Variants in GPR141 observed in about 807,000 individuals in gnomAD.
The protein encoded by GPR141 is G protein-coupled receptor 141, also known as probable G protein-coupled receptor 141.
A neutral mutation model predicts 6.8 loss-of-function variants in GPR141; 6 were observed. The observed-to-expected ratio is 0.88, with a 90% CI of 0.48 to 1.74. The LOEUF (loss-of-function observed/expected upper bound fraction) is 1.74. Among genes scored for constraint, GPR141 ranks in the 40% most tolerant of loss-of-function variants. The probability of loss-of-function intolerance (pLI) is 0.01; values close to 1 mark genes in which losing one functional copy is unlikely to be tolerated. For synonymous variants in GPR141, 140 were observed against 142.3 expected, an observed-to-expected ratio of 0.98 and a Z score of 0.11; for missense variants, 372 against 372.9, an observed-to-expected ratio of 1.00 and a Z score of 0.02.
At chr7:37,731,464 T>A (rs1235755520) in intron 2 of GPR141, among the ~76,000 whole-genome samples, 1 of 152,198 alleles carries the variant, frequency 6.6e-6, no homozygotes, top group African/African-American at 2.4e-5. Context: ...GCATCCCATA[T>A]GCAAAGGAAT....
At chr7:37,688,327 G>T (rs1027197344) in intron 2 of GPR141, among the ~76,000 whole-genome samples, 22 of 152,060 alleles carry the variant, frequency 1.4e-4, no homozygotes, top group African/African-American at 5.3e-4. Flanking sequence ...AGCTACTCAG[G>T]GGGCTGAGGC....
intron 2 of GPR141, among the ~76,000 whole-genome samples, chr7:37,738,647 A>G (rs1812376922): frequency 6.6e-6 from 1 of 151,774 alleles, no homozygotes; most frequent in Admixed American, 6.6e-5. Context: ...TTGGGTTATT[A>G]TTATCTTTTT....
intron 2 of GPR141, among the ~76,000 whole-genome samples, chr7:37,700,549 G>T (rs1031113266): frequency 2.0e-5 from 3 of 152,136 alleles, no homozygotes; most frequent in Non-Finnish European, 4.4e-5. Context: ...CTGATCTCAG[G>T]CAAAAGGAAT....
intron 2 of GPR141, among the ~76,000 whole-genome samples, chr7:37,705,461 G>A (rs1006641877): frequency 2.0e-5 from 3 of 152,180 alleles, no homozygotes; most frequent in South Asian, 2.1e-4. Context: ...CGATATATCA[G>A]TTGGATTCTG....
intron 2 of GPR141, among the ~76,000 whole-genome samples, chr7:37,698,202 C>G (rs113621126): frequency 8.5e-5 from 13 of 152,252 alleles, no homozygotes; most frequent in African/African-American, 3.1e-4. Flanking sequence ...CTCAGCTTCT[C>G]ATGTAAGTAA....
intron 2 of GPR141, among the ~76,000 whole-genome samples, chr7:37,726,847 C>G (rs529829692): frequency 6.6e-6 from 1 of 152,252 alleles, no homozygotes; most frequent in South Asian, 2.1e-4. Context: ...TAGAAAAAAT[C>G]TGGCCCATGG....
intron 2 of GPR141, among the ~76,000 whole-genome samples, chr7:37,714,708 T>G (rs1810965150): frequency 6.6e-6 from 1 of 152,260 alleles, no homozygotes; most frequent in Non-Finnish European, 1.5e-5. Flanking sequence ...TATGTTTTAC[T>G]GTAAAGATAT....
chr7:37,685,932 C>T (rs1021086327), intron 2 of GPR141, among the ~76,000 whole-genome samples: 6 of 152,112 alleles, frequency 3.9e-5, no homozygotes, highest in African/African-American at 1.4e-4. Context: ...AGCCATTGTG[C>T]TAGCACTATA....
At chr7:37,709,346 T>C (rs1292196089) in intron 2 of GPR141, among the ~76,000 whole-genome samples, 2 of 152,216 alleles carry the variant, frequency 1.3e-5, no homozygotes, top group Non-Finnish European at 2.9e-5. Context: ...TTAATATTCT[T>C]AGTAAACATC....
rs759565313 is a variant in GPR141 at position 37,741,192 on chromosome 7, G to T, written c.799G>T (p.Glu267Ter). The change falls in exon 3 of 3, where the codon GAA becomes TAA. Residue 267 changes from glutamate to a stop codon, truncating the protein, a stop_gained. Coordinates refer to ENST00000334425, the MANE Select transcript of GPR141 (RefSeq NM_001381946.1). LOFTEE classifies it high-confidence loss of function. ...TAACAGCAAGGTTGCATTTTATAAC[G>T]AAATCTTCTTGAGTGTAACAGCAAT... Reference protein sequence around the residue: ...ACNSKVAFYNEIFLSVTAISC... With the variant: ...ACNSKVAFYN 6.2e-7 allele frequency: 1 copy of T among 1,613,728 alleles called. No homozygotes were observed. Among genetic ancestry groups the T allele is most frequent in the East Asian group, 2.2e-5 (1 of 44,882 alleles).
intron 2 of GPR141, among the ~76,000 whole-genome samples, chr7:37,708,325 A>AAC (rs1268119945): frequency 2.0e-5 from 3 of 151,382 alleles, no homozygotes; most frequent in Non-Finnish European, 3.0e-5. Flanking sequence ...AAAAAAAAAA[A>AAC]AAAAAAAAAA....
intron 2 of GPR141, among the ~76,000 whole-genome samples, chr7:37,714,375 A>G (rs761357997): frequency 3.9e-5 from 6 of 152,200 alleles, no homozygotes; most frequent in Non-Finnish European, 7.3e-5. Flanking sequence ...CTAAAGAACT[A>G]TATTTCTTTA....
chr7:37,697,300 A>G (rs897599430), intron 2 of GPR141, among the ~76,000 whole-genome samples: 4 of 152,268 alleles, frequency 2.6e-5, no homozygotes, highest in African/African-American at 4.8e-5. Context: ...CAGAGTGATT[A>G]GATAATCTTT....
intron 2 of GPR141, among the ~76,000 whole-genome samples, chr7:37,691,160 A>C (rs7790343): frequency 0.32 from 48,268 of 150,782 alleles, 8,082 homozygotes; most frequent in Middle Eastern, 0.4. Flanking sequence ...GTTTACATGG[A>C]ATATCTTTTT....
intron 2 of GPR141, among the ~76,000 whole-genome samples, chr7:37,699,191 G>C (rs75714094): frequency 0.15 from 22,571 of 152,158 alleles, 1,857 homozygotes; most frequent in East Asian, 0.24. Context: ...AATATTTGTG[G>C]TTCTGTGGGC....
intron 2 of GPR141, among the ~76,000 whole-genome samples, chr7:37,714,748 G>A (rs1810967386): frequency 6.6e-6 from 1 of 152,084 alleles, no homozygotes; most frequent in Admixed American, 6.6e-5. Flanking sequence ...TTTTCTTCAT[G>A]TTGTTTTCAT....
chr7:37,734,545 G>A (rs540295463), intron 2 of GPR141, among the ~76,000 whole-genome samples: 56 of 152,322 alleles, frequency 3.7e-4, no homozygotes, highest in Admixed American at 1.6e-3. Flanking sequence ...CAATCTAGGG[G>A]AAAGAGGGAA....
rs1229195209 is a variant in GPR141, at chr7:37,741,160, A to G, written c.767A>G (p.Asn256Ser). 5 of 1,614,052 alleles carry G rather than the reference A, an allele frequency of 3.1e-6. No homozygotes were observed. The highest frequency in any genetic ancestry group is 1.3e-5 in the African/African-American group (1 of 75,042). ...IYYLNVVTHS[N>S]ACNSKVAFYN... ...TACTTGAATGTTGTGACGCATTCCA[A>G]TGCCTGTAACAGCAAGGTTGCATTT... Residue 256 changes from asparagine to serine, a missense_variant, in exon 3 of 3, where the codon AAT becomes AGT. Transcript: ENST00000334425.
Position 37,691,519 on chromosome 7 carries a change from C to A in GPR141, c.-15+5936C>A, listed in dbSNP as rs79082229. Among the ~76,000 whole-genome samples the A allele has an allele frequency of 4.8e-3, 736 of 151,914 alleles. 7 individuals are homozygous for A. Among genetic ancestry groups the A allele is most frequent in the African/African-American group, 0.016 (672 of 41,450 alleles). ...ATTGTAGTTTTGTATGTTCTTTGTT[C>A]TTTTTTCCTCTCTTATTGTTTAGTA... On this transcript the variant is annotated intron_variant, in intron 2 of 2. Coordinates refer to ENST00000334425, the MANE Select transcript of GPR141 (RefSeq NM_001381946.1).
Sources: gnomAD v4.1 joint callset for allele counts (sites outside exome capture counted in the v4.1 genomes callset) on GRCh38, gnomAD v4.1.1 for gene constraint, MANE v1.5 for transcripts, NCBI Gene and HGNC (gene_info 2026-07-23, HGNC 2026-07-21) for gene names.